The following ZCCHC4 variants were observed in gnomAD, a reference collection of about 807,000 sequenced individuals.
ZCCHC4 encodes the protein rRNA N(6)-adenosine-methyltransferase ZCCHC4.
A neutral mutation model predicts 67.7 loss-of-function variants in ZCCHC4; 54 were observed. The ratio of observed to expected loss-of-function variants is 0.80; its 90% CI spans 0.64 to 1.00. ZCCHC4 has a LOEUF of 1.00. Ranked by LOEUF, ZCCHC4 falls within the 50% of genes least tolerant of loss-of-function variation. The probability of loss-of-function intolerance (pLI) is 0.00; values close to 1 mark genes in which losing one functional copy is unlikely to be tolerated. For missense variants in ZCCHC4, 609 were observed against 617.0 expected (o/e 0.99, Z 0.14); for synonymous variants, 198 against 213.5 (o/e 0.93, Z 0.63).
intron 3 of ZCCHC4, among the ~76,000 whole-genome samples, chr4:25,322,277 T>G (rs916738764): frequency 6.6e-6 from 1 of 152,068 alleles, no homozygotes; most frequent in African/African-American, 2.4e-5. Context: ...TACAATCTAT[T>G]TCCAGAACAT....
chr4:25,359,520 G>A lies in ZCCHC4; in HGVS notation c.1012-2339G>A, dbSNP rs1467091624. On this transcript the variant is annotated intron_variant, in intron 8 of 12. Transcript: ENST00000302874. This position sits in a 1 kb window ranked among gnomAD's most constrained non-coding sequence, Gnocchi z 4.9. ...CCGCCACCTGGTCTGATACCAAGGA[G>A]GCTGTTGGCGGGATCAAGGGGTCCG... Among the ~76,000 whole-genome samples the A allele has an allele frequency of 2.0e-5, 3 of 152,320 alleles. No individual in the cohort carries two copies. The highest frequency in any genetic ancestry group is 4.8e-5 in the African/African-American group (2 of 41,570).
chr4:25,364,966 A>G (rs956657674), intron 11 of ZCCHC4, 56 bp from the exon 12 acceptor site: 6 of 1,606,108 alleles, frequency 3.7e-6, no homozygotes, highest in Admixed American at 1.7e-5. Context: ...AAAAGTTAAT[A>G]AGATGAAAAA....
intron 3 of ZCCHC4, among the ~76,000 whole-genome samples, chr4:25,321,257 T>C (rs1353152340): frequency 1.3e-5 from 2 of 152,158 alleles, no homozygotes; most frequent in African/African-American, 4.8e-5. Context: ...TTCCTTTCTT[T>C]TCTTTCTTTT....
At position 25,369,211 on chromosome 4, in the gene ZCCHC4, A is replaced by G; in HGVS notation, c.*47A>G. On this transcript the variant is annotated 3_prime_UTR_variant, in exon 13 of 13. Transcript: ENST00000302874. ...AGAAAGATTTATGGTCCAACCTTTGATGCCATTTTCTGAAAGTGCCACACT... is the reference window on the plus strand; with the variant it reads ...AGAAAGATTTATGGTCCAACCTTTGGTGCCATTTTCTGAAAGTGCCACACT... The G allele has an allele frequency of 6.3e-7, 1 of 1,599,838 alleles. No homozygotes were observed. The highest frequency in any genetic ancestry group is 2.2e-5 in the East Asian group (1 of 44,762).
chr4:25,361,914 C>A lies in ZCCHC4; in HGVS notation c.1067C>A (p.Ser356Tyr). 6.2e-7 allele frequency: 1 copy of A among 1,613,902 alleles called. No homozygotes were observed. Among genetic ancestry groups the A allele is most frequent in the Non-Finnish European group, 8.5e-7 (1 of 1,179,872 alleles). The part of the protein sequence containing the change: ...YKHGKTGRKQ[S>Y]PVRIFTNIPP... ...CACGGAAAGACAGGTCGAAAACAGT[C>A]TCCCGTGCGTATTTTCACCAACATT... The change falls in exon 9 of 13, where the codon TCT becomes TAT. Residue 356 changes from serine to tyrosine, a missense_variant. Coordinates refer to ENST00000302874, the MANE Select transcript of ZCCHC4 (RefSeq NM_024936.3).
intron 8 of ZCCHC4, chr4:25,352,059 G>A (rs916515453): frequency 2.0e-6 from 2 of 996,550 alleles, no homozygotes; most frequent in African/African-American, 3.5e-5. Context: ...ATGAACGTTG[G>A]TTTCCTCTTT....
intron 5 of ZCCHC4, among the ~76,000 whole-genome samples, chr4:25,342,706 G>A (rs1719813490): frequency 6.6e-6 from 1 of 152,096 alleles, no homozygotes; most frequent in Admixed American, 6.6e-5. Flanking sequence ...TTTCTGATTG[G>A]TTTTGTTTGC....
chr4:25,345,050 G>T (rs1304197993), intron 5 of ZCCHC4, among the ~76,000 whole-genome samples: 1 of 151,998 alleles, frequency 6.6e-6, no homozygotes, highest in Non-Finnish European at 1.5e-5. Context: ...CAATCTGCCT[G>T]CCTCAGCCTC....
intron 5 of ZCCHC4, among the ~76,000 whole-genome samples, chr4:25,336,381 T>C (rs1719460910): frequency 6.6e-6 from 1 of 152,260 alleles, no homozygotes; most frequent in African/African-American, 2.4e-5. Context: ...ACTTCTTTTT[T>C]TAAATTCTGT....
chr4:25,320,553 C>A (rs1410648172), intron 3 of ZCCHC4, among the ~76,000 whole-genome samples: 1 of 152,194 alleles, frequency 6.6e-6, no homozygotes, highest in African/African-American at 2.4e-5. Flanking sequence ...GAATTTCTCT[C>A]CCCCTGGGGA....
intron 3 of ZCCHC4, among the ~76,000 whole-genome samples, chr4:25,324,642 A>G (rs899808650): frequency 3.9e-5 from 6 of 152,234 alleles, no homozygotes; most frequent in Non-Finnish European, 8.8e-5. Context: ...ACTTTTCCAA[A>G]GTGGCTGCAC....
chr4:25,323,906 C>T (rs1718713269), intron 3 of ZCCHC4, among the ~76,000 whole-genome samples: 1 of 151,968 alleles, frequency 6.6e-6, no homozygotes, highest in Non-Finnish European at 1.5e-5. Flanking sequence ...ATCCCTGCAC[C>T]CCTAGGGTCC....
intron 3 of ZCCHC4, among the ~76,000 whole-genome samples, chr4:25,325,362 A>G (rs1440619271): frequency 6.3e-5 from 8 of 127,022 alleles, no homozygotes; most frequent in Non-Finnish European, 3.1e-5. Context: ...CTGTCTCCTG[A>G]GTTCAAGTGA....
At chr4:25,354,741 T>A (rs1720445535) in intron 8 of ZCCHC4, among the ~76,000 whole-genome samples, 1 of 152,020 alleles carries the variant, frequency 6.6e-6, no homozygotes, top group African/African-American at 2.4e-5. Flanking sequence ...GAAGCGAGCC[T>A]CTCACCTCAG....
Position 25,369,181 on chromosome 4 carries a change from G to C in ZCCHC4, c.*17G>C. ...GGCTCTTAAATGTCCAGTGACTGGA[G>C]AATAAGAAAGATTTATGGTCCAACC... On this transcript the variant is annotated 3_prime_UTR_variant, in exon 13 of 13. Transcript: ENST00000302874. 1 of 1,604,842 alleles carries C rather than the reference G, an allele frequency of 6.2e-7. No homozygotes were observed.
At chr4:25,366,095 T>G (rs548392890) in intron 12 of ZCCHC4, 2 of 974,392 alleles carry the variant, frequency 2.1e-6, no homozygotes, top group East Asian at 2.3e-4. Flanking sequence ...GATAGTTTAA[T>G]AATTATTTAT....
At chr4:25,363,550 TAAACAC>T (rs1386157634) in intron 10 of ZCCHC4, among the ~76,000 whole-genome samples, 5 of 152,318 alleles carry the variant, frequency 3.3e-5, no homozygotes, top group South Asian at 2.1e-4. Context: ...GTTTGGCTCA[TAAACAC>T]AAATTATTCT....
chr4:25,356,449 A>C (rs1560414950), intron 8 of ZCCHC4, among the ~76,000 whole-genome samples: 1 of 152,206 alleles, frequency 6.6e-6, no homozygotes. Context: ...ACAAACCCGC[A>C]TTTAAAAATA....
At chr4:25,351,744 A>G in intron 8 of ZCCHC4, 55 bp downstream of exon 8, 5 of 1,419,262 alleles carry the variant, frequency 3.5e-6, no homozygotes, top group Non-Finnish European at 3.9e-6. Flanking sequence ...TTCTACTTGA[A>G]TAGATATAAG....
Sources: allele counts gnomAD v4.1 joint callset (sites outside exome capture counted in the v4.1 genomes callset), GRCh38; gene constraint gnomAD v4.1.1; non-coding constraint Gnocchi (gnomAD v3.1); transcripts MANE v1.5; gene names NCBI Gene and HGNC (gene_info 2026-07-23, HGNC 2026-07-21).